The following CIITA variants were observed in gnomAD, a reference collection of about 807,000 sequenced individuals.
CIITA encodes the protein MHC class II transactivator.
A neutral mutation model predicts 115.1 loss-of-function variants in CIITA; 72 were observed. The ratio of observed to expected loss-of-function variants is 0.63; its 90% CI spans 0.52 to 0.76. The LOEUF (loss-of-function observed/expected upper bound fraction) is 0.76, where lower values mean the gene tolerates loss of function less well. CIITA is among the 30% of genes least tolerant of loss of function. CIITA has a pLI of 0.00. For synonymous variants in CIITA, 763 were observed against 635.6 expected, an observed-to-expected ratio of 1.20 and a Z score of -3.02; for missense variants, 1,617 against 1,463.8, an observed-to-expected ratio of 1.10 and a Z score of -1.71.
In CIITA at chr16:10,907,981, C is replaced by G. The variant is rs751733253; in HGVS notation, c.2489C>G (p.Pro830Arg). 5 of 1,584,338 alleles carry G rather than the reference C, an allele frequency of 3.2e-6. No individual in the cohort carries two copies. The East Asian group carries it at 1.1e-4, about 36-fold the overall frequency. ...TGGCAGCACGTGGTACAGGAGCTCC[C>G]CGGCCGCCTCTCTTTTCTGGGCACC... ...GIWQHVVQEL[P>R]GRLSFLGTRL... Residue 830 changes from proline (P) to arginine (R), a missense_variant, in exon 11 of 20, where the codon CCC becomes CGC. Transcript: ENST00000324288. The surrounding 1 kb of genome is among the most constrained non-coding windows in gnomAD (Gnocchi z 5.0).
Position 10,910,241 on chromosome 16 carries a change from T to TGGAGTTTGCGTAAGC in CIITA, c.2870_2871insGGAGTTTGCGTAAGC (p.Leu957_Lys958insGluPheAlaTer). On this transcript the variant is annotated stop_gained and inframe_insertion, in exon 13 of 20. Transcript: ENST00000324288. LOFTEE classifies it high-confidence loss of function. ...GGGGAGCTCCCTGCTGTTCGGGACC[T>TGGAGTTTGCGTAAGC]AAAGAAACTGGAGTTTGCGTAAGCA... 1 of 1,614,030 alleles carries TGGAGTTTGCGTAAGC rather than the reference T, an allele frequency of 6.2e-7. No individual in the cohort carries two copies. The highest frequency in any genetic ancestry group is 8.5e-7 in the Non-Finnish European group (1 of 1,179,954).
upstream of CIITA, among the ~76,000 whole-genome samples, chr16:10,876,010 CATAGTGGCAGGTGCCTG>C (rs2035812149): frequency 2.0e-5 from 3 of 152,114 alleles, no homozygotes; most frequent in African/African-American, 7.2e-5. Flanking sequence ...ATTAGCTGGA[CATAGTGGCAGGTGCCTG>C]TAATCCCAGC....
chr16:10,900,961 T>C (rs568675471), intron 5 of CIITA, among the ~76,000 whole-genome samples: 2 of 152,332 alleles, frequency 1.3e-5, no homozygotes, highest in South Asian at 4.1e-4. Context: ...ATTGCAGATT[T>C]ACACTCCCCT....
intron 1 of CIITA, among the ~76,000 whole-genome samples, chr16:10,891,794 G>A (rs2037609495): frequency 6.6e-6 from 1 of 152,214 alleles, no homozygotes; most frequent in Admixed American, 6.5e-5. Flanking sequence ...CTTTGGCCCT[G>A]CTCCAGGAAA....
At chr16:10,892,282 C>A (rs184842076) in intron 1 of CIITA, among the ~76,000 whole-genome samples, 22 of 152,044 alleles carry the variant, frequency 1.4e-4, no homozygotes, top group African/African-American at 5.1e-4. Context: ...CAAGATTGCA[C>A]CACTGCACTC....
upstream of CIITA, among the ~76,000 whole-genome samples, chr16:10,875,796 G>C (rs936263117): frequency 1.1e-4 from 17 of 152,024 alleles, no homozygotes; most frequent in Non-Finnish European, 1.6e-4. Context: ...TCAGCCTCCA[G>C]AGTAGCTGGG....
At chr16:10,867,598 A>G (rs1238242092) in intron 1 of CIITA, among the ~76,000 whole-genome samples, 1 of 152,058 alleles carries the variant, frequency 6.6e-6, no homozygotes, top group Non-Finnish European at 1.5e-5. Flanking sequence ...CGGGAGAGAG[A>G]ATGAAGGCCT....
At chr16:10,922,368 T>A (rs895755173) in intron 17 of CIITA, 39 bp from the exon 18 acceptor site, 1 of 1,612,876 alleles carries the variant, frequency 6.2e-7, no homozygotes, top group Non-Finnish European at 8.5e-7. Context: ...AGCTGGGGAG[T>A]CCCAAGGGCC....
At chr16:10,872,668 C>T (rs113849759), upstream of CIITA, among the ~76,000 whole-genome samples, 516 of 152,346 alleles carry the variant, frequency 3.4e-3, 6 homozygotes, top group African/African-American at 0.011. Flanking sequence ...CCATGTCCCT[C>T]CCTAATTTGG....
rs555139778 is a variant in CIITA at position 10,918,115 on chromosome 16, G to A, written c.3063-325G>A. ...TGCTCCATGTGAAGCCCACAACCCG[G>A]CAGAAAGGATTACACAGCCATTAAA... On this transcript the variant is annotated intron_variant, in intron 15 of 19. Transcript: ENST00000324288. 3.3e-5 allele frequency among the ~76,000 whole-genome samples: 5 copies of A among 152,302 alleles called. 2 individuals carry two copies. The highest frequency in any genetic ancestry group is 6.8e-3 in the Middle Eastern group (2 of 294).
rs933283912 is a variant in CIITA at position 10,941,569 on chromosome 16, A to G, written n.695A>G. 2.8e-6 allele frequency: 4 copies of G among 1,450,102 alleles called. No individual in the cohort carries two copies. The highest frequency in any genetic ancestry group is 2.9e-5 in the Admixed American group (1 of 34,808). The allele number at this position is 1,450,102 out of a possible 1,614,324, so 89.8% of individuals were successfully genotyped here. ...CATCCTGTTCAGAGAGGGCACTTAC[A>G]GGCCTCGGAGGCAGGGGAGGGTCTC... On this transcript the variant is annotated non_coding_transcript_exon_variant, in exon 2 of 2. Coordinates refer to the CIITA transcript ENST00000573379. The surrounding 1 kb of genome is among the most constrained non-coding windows in gnomAD (Gnocchi z 6.4).
At chr16:10,882,434 G>T (rs1046635186) in intron 1 of CIITA, among the ~76,000 whole-genome samples, 1 of 152,130 alleles carries the variant, frequency 6.6e-6, no homozygotes, top group Non-Finnish European at 1.5e-5. Context: ...AAAGATATAA[G>T]AATTAAGAAA....
At chr16:10,878,364 T>C (rs545473610) in intron 1 of CIITA, among the ~76,000 whole-genome samples, 4 of 152,094 alleles carry the variant, frequency 2.6e-5, no homozygotes, top group African/African-American at 9.6e-5. Flanking sequence ...AATTCAGGCC[T>C]GAAAAGGGAA....
chr16:10,866,694 G>T (rs897538582), intron 1 of CIITA: 3 of 382,436 alleles, frequency 7.8e-6, no homozygotes, highest in African/African-American at 6.3e-5. Context: ...CAAGTGTCTA[G>T]TGAGCTGGCA....
rs548126822 is a variant in CIITA, at chr16:10,906,503, G to A, written c.1011G>A (p.Pro337=). 12 of 1,611,692 alleles carry A rather than the reference G, an allele frequency of 7.4e-6. No individual in the cohort carries two copies. The highest frequency in any genetic ancestry group is 2.2e-5 in the East Asian group (1 of 44,870). ...VSNKLPKWPE[P]VEQFYRSLQD... ...ACACGCCCCTGGCCTTTGCAGAGCCGGTGGAGCAGTTCTACCGCTCACTGC... is the reference window on the plus strand; with the variant it reads ...ACACGCCCCTGGCCTTTGCAGAGCCAGTGGAGCAGTTCTACCGCTCACTGC... Residue 337 remains proline, a synonymous_variant, in exon 11 of 20, where the codon CCG becomes CCA. Coordinates refer to ENST00000324288, the MANE Select transcript of CIITA (RefSeq NM_000246.4).
chr16:10,868,730 C>T (rs1323381583), intron 1 of CIITA, among the ~76,000 whole-genome samples: 2 of 152,148 alleles, frequency 1.3e-5, no homozygotes, highest in African/African-American at 4.8e-5. Flanking sequence ...CCCCTCCCAC[C>T]CCCTCTTTCC....
At chr16:10,908,876 G>C (rs1020108983) in intron 11 of CIITA, 153 bp from the exon 12 acceptor site, 2 of 1,017,846 alleles carry the variant, frequency 2.0e-6, no homozygotes, top group Non-Finnish European at 3.0e-6. Context: ...ATCAATAAAG[G>C]CTGGAGTGGT....
chr16:10,923,176 C>G lies in CIITA; in HGVS notation c.3318-52C>G. 6.4e-7 allele frequency: 1 copy of G among 1,567,166 alleles called. No homozygotes were observed. The highest frequency in any genetic ancestry group is 8.8e-7 in the Non-Finnish European group (1 of 1,142,830). ...TTGGGGGCAGCTGTCACTGGGGCCCCAGGCCGCCCTCTCTCCTCTAACCTG... is the reference window on the plus strand; with the variant it reads ...TTGGGGGCAGCTGTCACTGGGGCCCGAGGCCGCCCTCTCTCCTCTAACCTG... On this transcript the variant is annotated intron_variant, in intron 18 of 19. Coordinates refer to ENST00000324288, the MANE Select transcript of CIITA (RefSeq NM_000246.4). The surrounding 1 kb of genome is among the most constrained non-coding windows in gnomAD (Gnocchi z 5.2).
intron 1 of CIITA, among the ~76,000 whole-genome samples, chr16:10,868,953 G>C (rs2035285644): frequency 6.6e-6 from 1 of 152,248 alleles, no homozygotes; most frequent in African/African-American, 2.4e-5. Flanking sequence ...GGCTTGACCT[G>C]CGACAGTGGG....
Sources: gnomAD v4.1 joint callset for allele counts (sites outside exome capture counted in the v4.1 genomes callset) on GRCh38, gnomAD v4.1.1 for gene constraint, Gnocchi (gnomAD v3.1) non-coding constraint, MANE v1.5 for transcripts, NCBI Gene and HGNC (gene_info 2026-07-23, HGNC 2026-07-21) for gene names.